ARHGAP32: variants seen among roughly 807,000 people sequenced by gnomAD.
The protein encoded by ARHGAP32 is Rho GTPase activating protein 32.
In ARHGAP32, 51 loss-of-function variants were observed where a neutral mutation model predicts 186.5. The observed-to-expected ratio is 0.27, with a 90% CI of 0.22 to 0.35. ARHGAP32 has a LOEUF of 0.35. Ranked by LOEUF, ARHGAP32 falls within the 10% of genes least tolerant of loss-of-function variation. ARHGAP32 has a pLI of 1.00. For synonymous variants in ARHGAP32, 950 were observed against 964.3 expected (o/e 0.99, Z 0.27); for missense variants, 2,186 against 2,623.5 (o/e 0.83, Z 3.64).
chr11:129,202,354 A>T (rs1944465336), intron 1 of ARHGAP32, among the ~76,000 whole-genome samples: 1 of 152,138 alleles, frequency 6.6e-6, no homozygotes, highest in South Asian at 2.1e-4. Flanking sequence ...TGTATACCAC[A>T]GAAGTCAATG....
rs756780644 is a variant in ARHGAP32, at chr11:128,978,837, AGAT to A, written c.2052_2054del (p.Ser685del). The A allele has an allele frequency of 6.8e-6, 11 of 1,613,270 alleles. No homozygotes were observed. In the East Asian group the frequency reaches 1.3e-4, roughly 20 times the overall value. ...TCCGCTGCAGCTTTCGTTTAGAAAC[AGAT>A]GATGATTTCCCCAAGTTGAAAAAGG... On this transcript the variant is annotated inframe_deletion, in exon 19 of 23. Coordinates refer to ENST00000682385, the MANE Select transcript of ARHGAP32 (RefSeq NM_001378024.1).
At position 129,239,351 on chromosome 11, in the gene ARHGAP32, C is replaced by G. The variant is rs1306674646; in HGVS notation, c.-5+39795G>C. On this transcript the variant is annotated intron_variant, in intron 1 of 6. Transcript: ENST00000525234. ...GCAGCATAATCTCATTTATGCATCA[C>G]AGCAGCGCTGTAAGGAGGGTACTAG... 2.0e-5 allele frequency among the ~76,000 whole-genome samples: 3 copies of G among 152,182 alleles called. No homozygotes were observed. In the East Asian group the frequency reaches 5.8e-4, roughly 29 times the overall value.
chr11:128,989,719 A>AC (rs780895719), intron 12 of ARHGAP32, among the ~76,000 whole-genome samples: 2 of 150,264 alleles, frequency 1.3e-5, no homozygotes, highest in Non-Finnish European at 3.0e-5. Context: ...TAGCCCCCCA[A>AC]CCCCCCGAGA....
chr11:129,248,071 G>C (rs1330358010), intron 1 of ARHGAP32, among the ~76,000 whole-genome samples: 3 of 152,086 alleles, frequency 2.0e-5, no homozygotes, highest in Admixed American at 6.6e-5. Flanking sequence ...CCAGCACTTT[G>C]GGAGGCCGAG....
chr11:129,116,234 A>G (rs775287143), intron 5 of ARHGAP32, among the ~76,000 whole-genome samples: 2 of 152,064 alleles, frequency 1.3e-5, no homozygotes, highest in African/African-American at 2.4e-5. Context: ...TCACAGTTTC[A>G]GACTCAACAA....
chr11:129,183,590 T>C (rs1425053454), intron 1 of ARHGAP32, among the ~76,000 whole-genome samples: 1 of 152,180 alleles, frequency 6.6e-6, no homozygotes, highest in African/African-American at 2.4e-5. Flanking sequence ...TTTTCTTCCA[T>C]TGTATCTTCT....
chr11:129,215,143 T>A (rs566340087), intron 1 of ARHGAP32, among the ~76,000 whole-genome samples: 1 of 152,312 alleles, frequency 6.6e-6, no homozygotes, highest in East Asian at 1.9e-4. Flanking sequence ...GCTGCTATTC[T>A]TACAACCACA....
chr11:129,124,077 GCA>G, intron 3 of ARHGAP32, 148 bp from the exon 4 acceptor site: 1 of 352,746 alleles, frequency 2.8e-6, no homozygotes, highest in Non-Finnish European at 4.5e-6. Flanking sequence ...GTTCAAAATG[GCA>G]CAGAGACCAG....
chr11:129,135,904 C>T (rs377332923), intron 2 of ARHGAP32, among the ~76,000 whole-genome samples: 2 of 152,182 alleles, frequency 1.3e-5, no homozygotes, highest in South Asian at 4.2e-4. Flanking sequence ...TTGGGATAGG[C>T]GAAGATTTCT....
At chr11:129,138,095 A>G (rs1291435058) in intron 2 of ARHGAP32, among the ~76,000 whole-genome samples, 1 of 152,138 alleles carries the variant, frequency 6.6e-6, no homozygotes, top group East Asian at 1.9e-4. Flanking sequence ...ATTCAAAGAG[A>G]TTTTTAAAAG....
chr11:129,182,453 T>C (rs766384643), intron 1 of ARHGAP32, among the ~76,000 whole-genome samples: 1 of 152,134 alleles, frequency 6.6e-6, no homozygotes, highest in Non-Finnish European at 1.5e-5. Flanking sequence ...TTGCTTACTT[T>C]GTTTTTTGTA....
intron 12 of ARHGAP32, 133 bp downstream of exon 12, chr11:128,998,186 G>A: frequency 4.5e-6 from 3 of 668,296 alleles, no homozygotes; most frequent in Non-Finnish European, 6.7e-6. Context: ...GAGTACCTGA[G>A]AAAGCTTAGT....
chr11:128,983,283 G>A (rs1306618662), intron 15 of ARHGAP32, among the ~76,000 whole-genome samples: 1 of 152,180 alleles, frequency 6.6e-6, no homozygotes, highest in African/African-American at 2.4e-5. Context: ...CAGTTAAAAT[G>A]GTAATTCTCT....
intron 2 of ARHGAP32, among the ~76,000 whole-genome samples, chr11:129,149,228 C>A (rs964525031): frequency 6.6e-6 from 1 of 152,170 alleles, no homozygotes; most frequent in Non-Finnish European, 1.5e-5. Flanking sequence ...ATCTTGCTGC[C>A]AGGAAGAAGA....
chr11:129,005,391 T>C (rs1484127907), intron 11 of ARHGAP32, among the ~76,000 whole-genome samples: 1 of 152,206 alleles, frequency 6.6e-6, no homozygotes, highest in Non-Finnish European at 1.5e-5. Context: ...TAATGTCGTT[T>C]TCTTTCTGAC....
At chr11:128,991,374 T>A (rs1034113156) in intron 12 of ARHGAP32, among the ~76,000 whole-genome samples, 1 of 152,040 alleles carries the variant, frequency 6.6e-6, no homozygotes. Context: ...AGTCATTTAA[T>A]ACAAATAGGT....
At chr11:129,210,485 C>T (rs1223826738) in intron 1 of ARHGAP32, among the ~76,000 whole-genome samples, 1 of 152,132 alleles carries the variant, frequency 6.6e-6, no homozygotes, top group Admixed American at 6.6e-5. Flanking sequence ...GTGGTAGTTG[C>T]CTTTTAGTTT....
chr11:129,059,649 G>A (rs1224268264), intron 10 of ARHGAP32, among the ~76,000 whole-genome samples: 3 of 151,590 alleles, frequency 2.0e-5, no homozygotes, highest in Non-Finnish European at 4.4e-5. Context: ...ACAAACATGC[G>A]CCACCAAGCC....
intron 18 of ARHGAP32, among the ~76,000 whole-genome samples, chr11:128,979,914 A>T (rs181009755): frequency 1.3e-5 from 2 of 152,368 alleles, no homozygotes; most frequent in East Asian, 3.9e-4. Flanking sequence ...ATAGAATTTC[A>T]GAGCTGGAAG....
Sources: gnomAD v4.1 joint callset for allele counts (sites outside exome capture counted in the v4.1 genomes callset) on GRCh38, gnomAD v4.1.1 for gene constraint, MANE v1.5 for transcripts, NCBI Gene and HGNC (gene_info 2026-07-23, HGNC 2026-07-21) for gene names.